TBC1D1: variants seen among roughly 807,000 people sequenced by gnomAD.
TBC1D1 encodes TBC1 domain family member 1.
In TBC1D1, 89 loss-of-function variants were observed where a neutral mutation model predicts 125.6. That is an observed-to-expected ratio of 0.71 (90% CI 0.60 to 0.85). TBC1D1 has a LOEUF of 0.85. Ranked by LOEUF, TBC1D1 falls within the 40% of genes least tolerant of loss-of-function variation. TBC1D1 has a pLI of 0.00. For synonymous variants in TBC1D1, 565 were observed against 564.1 expected (o/e 1.00, Z -0.02); for missense variants, 1,377 against 1,469.2 (o/e 0.94, Z 1.03).
At chr4:38,026,088 AAAAG>A (rs2152443275) in intron 6 of TBC1D1, among the ~76,000 whole-genome samples, 1 of 152,054 alleles carries the variant, frequency 6.6e-6, no homozygotes, top group South Asian at 2.1e-4. Flanking sequence ...CTTAAAAAAA[AAAAG>A]GCCCATTTCT....
chr4:38,055,900 C>T (rs557073479), intron 12 of TBC1D1, among the ~76,000 whole-genome samples: 1 of 152,224 alleles, frequency 6.6e-6, no homozygotes, highest in South Asian at 2.1e-4. Flanking sequence ...TGATTCATGT[C>T]TGAAAGGGGT....
chr4:38,084,438 A>T (rs1231750726), intron 12 of TBC1D1, among the ~76,000 whole-genome samples: 2 of 152,256 alleles, frequency 1.3e-5, no homozygotes, highest in Non-Finnish European at 2.9e-5. Context: ...GGCATGGGAT[A>T]TGGCAGGGAA....
intron 12 of TBC1D1, among the ~76,000 whole-genome samples, chr4:38,071,244 C>T (rs1435420290): frequency 6.6e-6 from 1 of 152,128 alleles, no homozygotes; most frequent in African/African-American, 2.4e-5. Flanking sequence ...CCTGCCTGCT[C>T]CCCACCCACC....
Position 37,956,969 on chromosome 4 carries a change from A to G in TBC1D1, c.417+54457A>G, listed in dbSNP as rs144779060. On this transcript the variant is annotated intron_variant, in intron 2 of 19. Transcript: ENST00000261439. Reference sequence around the variant, plus strand: ...AAAAAAAAAAAAAAGAAGGGAGTGTAGAAATGAATTTCCCCCAAAGAAGCC... The same window carrying G: ...AAAAAAAAAAAAAAGAAGGGAGTGTGGAAATGAATTTCCCCCAAAGAAGCC... 5.5e-3 allele frequency among the ~76,000 whole-genome samples: 832 copies of G among 151,838 alleles called. 6 individuals carry two copies. Among genetic ancestry groups the G allele is most frequent in the African/African-American group, 0.019 (795 of 41,396 alleles).
rs545410776 is a variant in TBC1D1 at position 38,058,690 on chromosome 4, G to T, written c.2050+4352G>T. 6.6e-5 allele frequency among the ~76,000 whole-genome samples: 10 copies of T among 152,332 alleles called. No homozygotes were observed. In the South Asian group the frequency reaches 1.9e-3, roughly 28 times the overall value. On this transcript the variant is annotated intron_variant, in intron 12 of 19. Coordinates refer to ENST00000261439, the MANE Select transcript of TBC1D1 (RefSeq NM_015173.4). ...CTTCCAGGTGAAAAAGCGAGGCAGGGATGTTTATACAGTTCCATCCATGTC... is the reference window on the plus strand; with the variant it reads ...CTTCCAGGTGAAAAAGCGAGGCAGGTATGTTTATACAGTTCCATCCATGTC...
chr4:37,971,623 G>A (rs1043551645), intron 2 of TBC1D1, among the ~76,000 whole-genome samples: 12 of 152,224 alleles, frequency 7.9e-5, no homozygotes, highest in East Asian at 3.9e-4. Flanking sequence ...AGATACTATC[G>A]TGTTTAGATC....
chr4:38,030,824 ATTAC>A lies in TBC1D1; in HGVS notation c.1302+2949_1302+2952del, dbSNP rs1265048739. On this transcript the variant is annotated intron_variant, in intron 7 of 19. Coordinates refer to ENST00000261439, the MANE Select transcript of TBC1D1 (RefSeq NM_015173.4). ...TTACCGTTGAAATTAATGGTACGTG[ATTAC>A]TTAGTTATTAAAACATACCTTATTT... Among the ~76,000 whole-genome samples the A allele has an allele frequency of 3.3e-5, 5 of 152,232 alleles. 1 individual carries two copies. The highest frequency in any genetic ancestry group is 3.3e-4 in the Admixed American group (5 of 15,288).
At chr4:37,919,342 T>TG (rs1483148337) in intron 2 of TBC1D1, among the ~76,000 whole-genome samples, 1 of 149,726 alleles carries the variant, frequency 6.7e-6, no homozygotes, top group Non-Finnish European at 1.5e-5. Flanking sequence ...TTGTTTTTGT[T>TG]TTTTTTTTTT....
chr4:37,907,685 G>A (rs1717627087), intron 2 of TBC1D1, among the ~76,000 whole-genome samples: 1 of 152,154 alleles, frequency 6.6e-6, no homozygotes, highest in Non-Finnish European at 1.5e-5. Flanking sequence ...TATCCACTCT[G>A]GAAACTGATG....
intron 12 of TBC1D1, among the ~76,000 whole-genome samples, chr4:38,056,277 A>G (rs75402036): frequency 0.045 from 6,734 of 151,148 alleles, 198 homozygotes; most frequent in South Asian, 0.083. Flanking sequence ...CTGTTTGGGA[A>G]CCCCTGGTCC....
intron 12 of TBC1D1, among the ~76,000 whole-genome samples, chr4:38,071,716 A>G (rs1294235082): frequency 6.6e-6 from 1 of 152,192 alleles, no homozygotes; most frequent in African/African-American, 2.4e-5. Context: ...AGGTTCTCAG[A>G]TGGCAGGGTG....
At chr4:38,084,020 C>T (rs1757046804) in intron 12 of TBC1D1, among the ~76,000 whole-genome samples, 1 of 150,752 alleles carries the variant, frequency 6.6e-6, no homozygotes, top group Non-Finnish European at 1.5e-5. Context: ...TCACTGCAAG[C>T]TCCGCCTCCC....
intron 2 of TBC1D1, among the ~76,000 whole-genome samples, chr4:37,983,688 CCT>C (rs1443553306): frequency 2.6e-5 from 4 of 152,086 alleles, no homozygotes; most frequent in Non-Finnish European, 5.9e-5. Flanking sequence ...CACAGCATCC[CCT>C]GTTATTAATA....
chr4:38,007,387 G>A (rs896229259), intron 2 of TBC1D1, among the ~76,000 whole-genome samples: 4 of 151,926 alleles, frequency 2.6e-5, no homozygotes, highest in East Asian at 1.9e-4. Context: ...CAAGTAGCTG[G>A]GACTACAGGC....
intron 2 of TBC1D1, among the ~76,000 whole-genome samples, chr4:38,008,575 G>A (rs1376954553): frequency 6.6e-6 from 1 of 152,170 alleles, no homozygotes; most frequent in Non-Finnish European, 1.5e-5. Flanking sequence ...TAAGGCAGAG[G>A]GGATGAAAAA....
rs374116224 is a variant in TBC1D1 at position 38,014,555 on chromosome 4, G to A, written c.464G>A (p.Arg155Gln). The A allele has an allele frequency of 1.9e-6, 3 of 1,613,286 alleles. No homozygotes were observed. Among genetic ancestry groups the A allele is most frequent in the Admixed American group, 1.7e-5 (1 of 60,032 alleles). Residue 155 changes from arginine to glutamine, a missense_variant, in exon 3 of 20, where the codon CGG becomes CAG. Transcript: ENST00000261439. The surrounding 1 kb of genome is among the most constrained non-coding windows in gnomAD (Gnocchi z 5.1). ...ATCCGTCAGGCGGGGAAGATCGCCC[G>A]GCAGGAGGAGCTGCACTGCCCGTCC...
chr4:38,085,326 A>T (rs1271555997), intron 12 of TBC1D1, among the ~76,000 whole-genome samples: 1 of 152,136 alleles, frequency 6.6e-6, no homozygotes, highest in African/African-American at 2.4e-5. Flanking sequence ...AAGGCTACAT[A>T]ATTTAAGTGC....
intron 2 of TBC1D1, among the ~76,000 whole-genome samples, chr4:37,903,128 GA>G (rs1716459169): frequency 6.6e-6 from 1 of 152,158 alleles, no homozygotes; most frequent in South Asian, 2.1e-4. Context: ...GTTTTGATGC[GA>G]TCAGGGGTTC....
At position 37,990,070 on chromosome 4, in the gene TBC1D1, G is replaced by C. The variant is rs535248508; in HGVS notation, c.418-24439G>C. Among the ~76,000 whole-genome samples the C allele has an allele frequency of 4.1e-4, 62 of 152,172 alleles. 1 individual carries two copies. The highest frequency in any genetic ancestry group is 7.5e-4 in the Non-Finnish European group (51 of 68,020). On this transcript the variant is annotated intron_variant, in intron 2 of 19. Coordinates refer to ENST00000261439, the MANE Select transcript of TBC1D1 (RefSeq NM_015173.4). Reference sequence around the variant, plus strand: ...TTTGCGGAAGTTCTTTTTAAAGGGTGGGCCCAAAGGAAACCAGTCATTAGG... The same window carrying C: ...TTTGCGGAAGTTCTTTTTAAAGGGTCGGCCCAAAGGAAACCAGTCATTAGG...
Sources: gnomAD v4.1 joint callset for allele counts (sites outside exome capture counted in the v4.1 genomes callset) on GRCh38, gnomAD v4.1.1 for gene constraint, Gnocchi (gnomAD v3.1) non-coding constraint, MANE v1.5 for transcripts, NCBI Gene and HGNC (gene_info 2026-07-23, HGNC 2026-07-21) for gene names.